Variants in PYGO1 observed in about 807,000 individuals in gnomAD.
PYGO1 encodes pygopus homolog 1.
A neutral mutation model predicts 29.5 loss-of-function variants in PYGO1; 6 were observed. The observed-to-expected ratio is 0.20, with a 90% CI of 0.11 to 0.40. The LOEUF (loss-of-function observed/expected upper bound fraction) is 0.40. Ranked by LOEUF, PYGO1 falls within the 10% of genes least tolerant of loss-of-function variation. The probability of loss-of-function intolerance (pLI) is 1.00; values close to 1 mark genes in which losing one functional copy is unlikely to be tolerated. For missense variants in PYGO1, 515 were observed against 514.9 expected (o/e 1.00, Z 0.00); for synonymous variants, 186 against 180.5 (o/e 1.03, Z -0.24).
chr15:55,561,362 T>C (rs2058931983), intron 1 of PYGO1, among the ~76,000 whole-genome samples: 1 of 152,178 alleles, frequency 6.6e-6, no homozygotes, highest in Non-Finnish European at 1.5e-5. Context: ...GAGATGGTAA[T>C]TTATAAAGGA....
chr15:55,546,207 C>T lies in PYGO1; in HGVS notation c.1076G>A (p.Cys359Tyr). Reference sequence around the variant, plus strand: ...AAACCATTTCTGACAAGAGGCCTCACATAAGATGGCATCCTGATCATCGTT... The same window carrying T: ...AAACCATTTCTGACAAGAGGCCTCATATAAGATGGCATCCTGATCATCGTT... ...EVNDDQDAIL[C>Y]EASCQKWFHR... is the part of the protein sequence containing the mutation. Residue 359 changes from cysteine to tyrosine, a missense_variant, in exon 3 of 3, where the codon TGT (cysteine) becomes TAT (tyrosine). Cys to Tyr is a radical substitution (Grantham distance 194, BLOSUM62 -2). Coordinates refer to ENST00000563719, the MANE Select transcript of PYGO1 (RefSeq NM_001367806.1). 6.2e-7 allele frequency: 1 copy of T among 1,614,180 alleles called. No homozygotes were observed. Among genetic ancestry groups the T allele is most frequent in the Non-Finnish European group, 8.5e-7 (1 of 1,180,016 alleles).
chr15:55,582,190 G>C (rs1367879501), intron 1 of PYGO1, among the ~76,000 whole-genome samples: 4 of 119,784 alleles, frequency 3.3e-5, no homozygotes, highest in African/African-American at 1.3e-4. Flanking sequence ...CTGGGAGACA[G>C]AGCAAGGCTC....
intron 1 of PYGO1, among the ~76,000 whole-genome samples, chr15:55,559,788 A>G (rs1351053900): frequency 1.3e-5 from 2 of 152,204 alleles, no homozygotes; most frequent in Non-Finnish European, 2.9e-5. Flanking sequence ...AAAAACCCTC[A>G]ATAAAATACT....
At position 55,572,013 on chromosome 15, in the gene PYGO1, A is replaced by G. The variant is rs145275707; in HGVS notation, c.49+15822T>C. 4.6e-3 allele frequency among the ~76,000 whole-genome samples: 702 copies of G among 152,264 alleles called. 6 individuals carry two copies. The highest frequency in any genetic ancestry group is 0.014 in the Middle Eastern group (4 of 294). On this transcript the variant is annotated intron_variant, in intron 1 of 2. Transcript: ENST00000563719. ...GGGTTTTTAGGGAGTTTTTATCTAC[A>G]GATTCAATATAATCTCCATCAAAAT...
At chr15:55,563,885 T>C (rs957324721) in intron 1 of PYGO1, among the ~76,000 whole-genome samples, 1 of 152,166 alleles carries the variant, frequency 6.6e-6, no homozygotes, top group African/African-American at 2.4e-5. Flanking sequence ...GGGATGGCTG[T>C]AATCAAAAAG....
At chr15:55,584,107 T>C (rs996893363) in intron 1 of PYGO1, among the ~76,000 whole-genome samples, 36 of 23,626 alleles carry the variant, frequency 1.5e-3, no homozygotes, top group African/African-American at 3.5e-3. Flanking sequence ...GTGTCATACC[T>C]TTTTTTTTTT....
At chr15:55,571,018 C>T (rs2058977865) in intron 1 of PYGO1, among the ~76,000 whole-genome samples, 1 of 151,840 alleles carries the variant, frequency 6.6e-6, no homozygotes, top group Non-Finnish European at 1.5e-5. Flanking sequence ...GCAACAACTC[C>T]CCATTTTCCC....
chr15:55,570,202 G>C (rs1595990393), intron 1 of PYGO1, among the ~76,000 whole-genome samples: 1 of 152,130 alleles, frequency 6.6e-6, no homozygotes, highest in African/African-American at 2.4e-5. Context: ...GGGATTGAGG[G>C]TGTCCTTCAC....
intron 1 of PYGO1, among the ~76,000 whole-genome samples, chr15:55,550,776 T>C (rs528428987): frequency 1.3e-5 from 2 of 152,334 alleles, no homozygotes; most frequent in South Asian, 4.1e-4. Flanking sequence ...TAGTCTGGAA[T>C]GTTTGATATA....
At chr15:55,567,226 T>TTTTTTTTTTTTTA in intron 1 of PYGO1, among the ~76,000 whole-genome samples, 1 of 138,376 alleles carries the variant, frequency 7.2e-6, no homozygotes, top group Non-Finnish European at 1.5e-5. Context: ...TTTTTTTTTT[T>TTTTTTTTTTTTTA]GAGACAGGGT....
intron 1 of PYGO1, among the ~76,000 whole-genome samples, chr15:55,578,376 T>C (rs2059012712): frequency 6.6e-6 from 1 of 152,116 alleles, no homozygotes; most frequent in African/African-American, 2.4e-5. Flanking sequence ...AGTATCTATC[T>C]AGAGGTGGAA....
At chr15:55,564,949 G>C (rs558715650) in intron 1 of PYGO1, among the ~76,000 whole-genome samples, 1 of 152,126 alleles carries the variant, frequency 6.6e-6, no homozygotes, top group South Asian at 2.1e-4. Flanking sequence ...TACTTTCCTT[G>C]CTGGCTGTCA....
At chr15:55,561,636 C>A (rs149428724) in intron 1 of PYGO1, among the ~76,000 whole-genome samples, 24 of 152,196 alleles carry the variant, frequency 1.6e-4, no homozygotes, top group African/African-American at 5.8e-4. Flanking sequence ...GTTTACAATT[C>A]AAGATGAGAT....
intron 1 of PYGO1, among the ~76,000 whole-genome samples, chr15:55,587,458 T>TA (rs1302205901): frequency 6.6e-6 from 1 of 151,642 alleles, no homozygotes; most frequent in Non-Finnish European, 1.5e-5. Flanking sequence ...TACTCCAACT[T>TA]ACTTTTTTTG....
chr15:55,569,421 G>A lies in PYGO1; in HGVS notation c.49+18414C>T, dbSNP rs560267694. 1.6e-4 allele frequency among the ~76,000 whole-genome samples: 25 copies of A among 152,188 alleles called. No individual in the cohort carries two copies. In the South Asian group the frequency reaches 5.2e-3, roughly 32 times the overall value. On this transcript the variant is annotated intron_variant, in intron 1 of 2. Transcript: ENST00000563719. Reference sequence around the variant, plus strand: ...CTAACTTTTTGAGGTGATGTTCAGTGCTACATATGCTCCTTTTAATACTGT... The same window carrying A: ...CTAACTTTTTGAGGTGATGTTCAGTACTACATATGCTCCTTTTAATACTGT...
At chr15:55,565,468 C>CA (rs1783483174) in intron 1 of PYGO1, among the ~76,000 whole-genome samples, 1 of 152,004 alleles carries the variant, frequency 6.6e-6, no homozygotes. Context: ...CTTTGGAAGG[C>CA]AGAGGCGGGC....
At chr15:55,579,567 GTGC>G (rs2059017568) in intron 1 of PYGO1, among the ~76,000 whole-genome samples, 1 of 152,054 alleles carries the variant, frequency 6.6e-6, no homozygotes, top group South Asian at 2.1e-4. Context: ...CCAGGCTGGA[GTGC>G]AGTGGCACCA....
chr15:55,570,426 G>A (rs1187841735), intron 1 of PYGO1, among the ~76,000 whole-genome samples: 2 of 151,082 alleles, frequency 1.3e-5, no homozygotes, highest in East Asian at 3.9e-4. Context: ...TTCAATCTTG[G>A]CTGCATGTTG....
rs566172378 is a variant in PYGO1, at chr15:55,571,936, A to G, written c.49+15899T>C. 2.0e-5 allele frequency among the ~76,000 whole-genome samples: 3 copies of G among 152,310 alleles called. No individual in the cohort carries two copies. The East Asian group carries it at 5.8e-4, about 29-fold the overall frequency. ...TATTTTGTTCCAGATGGCTAGCCAC[A>G]ACAGGGAATACTATTCCATTTATTA... On this transcript the variant is annotated intron_variant, in intron 1 of 2. Transcript: ENST00000563719.
Sources: gnomAD v4.1 joint callset for allele counts (sites outside exome capture counted in the v4.1 genomes callset) on GRCh38, gnomAD v4.1.1 for gene constraint, MANE v1.5 for transcripts, NCBI Gene and HGNC (gene_info 2026-07-23, HGNC 2026-07-21) for gene names.